The following COG7 variants were observed in gnomAD, a reference collection of about 807,000 sequenced individuals.
The protein encoded by COG7 is conserved oligomeric Golgi complex subunit 7.
A neutral mutation model predicts 91.5 loss-of-function variants in COG7; 49 were observed. The observed-to-expected ratio is 0.54, with a 90% confidence interval of 0.43 to 0.68. The LOEUF is 0.68. COG7 is among the 30% of genes least tolerant of loss of function. The probability of loss-of-function intolerance (pLI) is 0.00; values close to 1 mark genes in which losing one functional copy is unlikely to be tolerated. For missense variants in COG7, 895 were observed against 961.3 expected (o/e 0.93, Z 0.91); for synonymous variants, 365 against 388.7 (o/e 0.94, Z 0.72).
At chr16:23,393,192 C>G in intron 15 of COG7, 41 bp downstream of exon 15, 1 of 1,452,448 alleles carries the variant, frequency 6.9e-7, no homozygotes, top group Non-Finnish European at 9.6e-7. Context: ...TGGAAACTGA[C>G]AGCTTGACTT....
chr16:23,396,505 C>G (rs891644767), intron 14 of COG7, among the ~76,000 whole-genome samples: 5 of 151,820 alleles, frequency 3.3e-5, no homozygotes, highest in Admixed American at 1.3e-4. Flanking sequence ...ATGACGAAAC[C>G]CTGTATCTAC....
intron 2 of COG7, among the ~76,000 whole-genome samples, chr16:23,445,388 C>T (rs976519802): frequency 1.3e-5 from 2 of 152,140 alleles, no homozygotes; most frequent in Admixed American, 6.6e-5. Context: ...CACAGTGGCT[C>T]ACGCCTGTAA....
At chr16:23,450,625 T>A (rs1367895273) in intron 1 of COG7, among the ~76,000 whole-genome samples, 1 of 150,240 alleles carries the variant, frequency 6.7e-6, no homozygotes, top group African/African-American at 2.5e-5. Context: ...CTCAGGAGTT[T>A]GAGACCAGCC....
chr16:23,431,005 T>C (rs1357609132), intron 6 of COG7, among the ~76,000 whole-genome samples: 3 of 151,746 alleles, frequency 2.0e-5, no homozygotes, highest in African/African-American at 7.3e-5. Context: ...CTCTGTTTAA[T>C]TTAATATTTT....
chr16:23,390,709 G>C (rs529503294), intron 16 of COG7, among the ~76,000 whole-genome samples: 2 of 152,354 alleles, frequency 1.3e-5, no homozygotes, highest in East Asian at 3.9e-4. Flanking sequence ...CCAAAGTGCT[G>C]GGATTACAGG....
chr16:23,451,530 ATAGTGCGACCTTGTCT>A (rs1444297539), intron 1 of COG7, among the ~76,000 whole-genome samples: 1 of 152,136 alleles, frequency 6.6e-6, no homozygotes, highest in Non-Finnish European at 1.5e-5. Context: ...CCTGGGCAAC[ATAGTGCGACCTTGTCT>A]CTAAAAAAAA....
chr16:23,391,047 C>T (rs1190851037), intron 16 of COG7, among the ~76,000 whole-genome samples: 1 of 152,204 alleles, frequency 6.6e-6, no homozygotes, highest in Admixed American at 6.5e-5. Context: ...ACCACTCTGT[C>T]GCCTTATACC....
At chr16:23,426,825 AAAAAAAAAAAAAGAAAG>A (rs1963854315) in intron 6 of COG7, among the ~76,000 whole-genome samples, 1 of 148,804 alleles carries the variant, frequency 6.7e-6, no homozygotes, top group Non-Finnish European at 1.5e-5. Flanking sequence ...GGACAAAAAA[AAAAAAAAAAAAAGAAAG>A]AAAGAAAGAA....
At chr16:23,392,906 A>C (rs1963223636) in intron 15 of COG7, among the ~76,000 whole-genome samples, 1 of 152,142 alleles carries the variant, frequency 6.6e-6, no homozygotes, top group Non-Finnish European at 1.5e-5. Context: ...ACTCCAGCCT[A>C]GGTGACACAG....
Position 23,392,447 on chromosome 16 carries a change from G to C in COG7, c.2079C>G (p.Tyr693Ter). The change falls in exon 16 of 17, where the codon TAC becomes TAG. Residue 693 changes from tyrosine to a stop codon, truncating the protein, a stop_gained. Transcript: ENST00000307149. LOFTEE classifies it high-confidence loss of function. Reference sequence around the variant, plus strand: ...CAGGGATCTGTAGGATCGCATCACAGTAGGTCTGCATTGTGGCTCTGGCGA... The same window carrying C: ...CAGGGATCTGTAGGATCGCATCACACTAGGTCTGCATTGTGGCTCTGGCGA... ...GSIARATMQT[Y>*]CDAILQIPEL... is the part of the protein sequence containing the mutation. 1 of 1,614,216 alleles carries C rather than the reference G, an allele frequency of 6.2e-7. No homozygotes were observed.
chr16:23,392,351 C>G, intron 16 of COG7, 29 bp downstream of exon 16: 1 of 1,613,986 alleles, frequency 6.2e-7, no homozygotes, highest in Non-Finnish European at 8.5e-7. Flanking sequence ...AGAGCTGTCC[C>G]TCCCACCGCC....
Position 23,417,128 on chromosome 16 carries a change from A to C in COG7, c.1138-7T>G. Reference sequence around the variant, plus strand: ...CAATCACTTCCCCATGCTCCTGGTCAGCAAATACAGACAAAGCTGCATTAG... The same window carrying C: ...CAATCACTTCCCCATGCTCCTGGTCCGCAAATACAGACAAAGCTGCATTAG... On this transcript the variant is annotated splice_region_variant and splice_polypyrimidine_tract_variant and intron_variant, in intron 8 of 16. Coordinates refer to ENST00000307149, the MANE Select transcript of COG7 (RefSeq NM_153603.4). 1.2e-6 allele frequency: 2 copies of C among 1,614,242 alleles called. No individual in the cohort carries two copies. Among genetic ancestry groups the C allele is most frequent in the South Asian group, 2.2e-5 (2 of 91,078 alleles).
intron 10 of COG7, among the ~76,000 whole-genome samples, chr16:23,411,390 G>A (rs1380049526): frequency 6.6e-6 from 1 of 152,128 alleles, no homozygotes; most frequent in Non-Finnish European, 1.5e-5. Context: ...TTATGAGAAG[G>A]TAAAATATTC....
At chr16:23,434,028 GAC>G (rs533543914) in intron 5 of COG7, among the ~76,000 whole-genome samples, 172 of 152,270 alleles carry the variant, frequency 1.1e-3, no homozygotes, top group African/African-American at 3.8e-3. Context: ...CTGCTTAAAA[GAC>G]ACAGAGCACT....
Position 23,442,642 on chromosome 16 carries a change from T to C in COG7, c.439A>G (p.Ile147Val), listed in dbSNP as rs372483991. 9 of 1,613,138 alleles carry C rather than the reference T, an allele frequency of 5.6e-6. No individual in the cohort carries two copies. Among genetic ancestry groups the C allele is most frequent in the African/African-American group, 2.7e-5 (2 of 74,918 alleles). The stretch of plus-strand genomic sequence containing the variant: ...GTTAGCTTGGCAGAAATCACAGCTA[T>C]GTCCTAGAAAAGACCAGAATAGAGA... ...DIEETFKTQD[I>V]AVISAKLTGM... The change falls in exon 4 of 17, where the codon ATA becomes GTA. Residue 147 changes from isoleucine (I) to valine (V), a missense_variant. Transcript: ENST00000307149.
intron 13 of COG7, among the ~76,000 whole-genome samples, chr16:23,401,409 T>C (rs960004086): frequency 1.3e-5 from 2 of 152,134 alleles, no homozygotes; most frequent in African/African-American, 2.4e-5. Context: ...CCATCAATAA[T>C]GAACTCTGGA....
chr16:23,402,853 G>A (rs964767847), intron 13 of COG7, among the ~76,000 whole-genome samples: 5 of 152,196 alleles, frequency 3.3e-5, no homozygotes, highest in African/African-American at 1.2e-4. Flanking sequence ...GAGGGGGTGA[G>A]GCCTGACTGA....
At chr16:23,412,999 C>A (rs1348927788) in intron 10 of COG7, 1 of 185,382 alleles carries the variant, frequency 5.4e-6, no homozygotes, top group Non-Finnish European at 1.1e-5. Flanking sequence ...TCACTGAACT[C>A]TTAAATGGCC....
At chr16:23,405,966 G>A (rs1963453416) in intron 12 of COG7, 110 bp downstream of exon 12, 13 of 945,378 alleles carry the variant, frequency 1.4e-5, no homozygotes, top group South Asian at 5.2e-5. Flanking sequence ...AGCAGGGTAC[G>A]TCACAGCCCA....
Sources: gnomAD v4.1 joint callset for allele counts (sites outside exome capture counted in the v4.1 genomes callset) on GRCh38, gnomAD v4.1.1 for gene constraint, MANE v1.5 for transcripts, NCBI Gene and HGNC (gene_info 2026-07-23, HGNC 2026-07-21) for gene names.